The following DRC8 variants were observed in gnomAD, a reference collection of about 807,000 sequenced individuals.
DRC8 encodes the protein dynein regulatory complex protein 8.
chr1:245,009,791 T>C, the DRC8 span, among the ~76,000 whole-genome samples: 4 of 151,960 alleles, frequency 2.6e-5, no homozygotes, highest in Admixed American at 1.3e-4. Flanking sequence ...TTAATCCAGT[T>C]GAACTGTCTC....
At chr1:244,972,782 A>G in the DRC8 span, among the ~76,000 whole-genome samples, 1 of 150,320 alleles carries the variant, frequency 6.7e-6, no homozygotes, top group African/African-American at 2.5e-5. Context: ...ACACCACTGC[A>G]CTCCAGCCTG....
At chr1:245,061,502 T>C in the DRC8 span, among the ~76,000 whole-genome samples, 1 of 152,226 alleles carries the variant, frequency 6.6e-6, no homozygotes, top group African/African-American at 2.4e-5. Context: ...TTTCTATATT[T>C]GTATACGAAC....
At chr1:245,052,645 C>T in the DRC8 span, among the ~76,000 whole-genome samples, 7 of 152,188 alleles carry the variant, frequency 4.6e-5, no homozygotes, top group African/African-American at 1.4e-4. Flanking sequence ...AGAGGTCAGT[C>T]GGCTGGAGAA....
the DRC8 span, among the ~76,000 whole-genome samples, chr1:245,090,120 T>G: frequency 9.9e-5 from 15 of 152,028 alleles, no homozygotes; most frequent in African/African-American, 3.6e-4. Flanking sequence ...GTCATGTGCG[T>G]GAGGTGGAAG....
chr1:245,119,344 G>GTTTT, the DRC8 span, among the ~76,000 whole-genome samples: 22 of 147,752 alleles, frequency 1.5e-4, no homozygotes, highest in South Asian at 6.4e-4. Flanking sequence ...AAATTGGAGA[G>GTTTT]TTTTTTTTTT....
chr1:245,039,363 T>C, the DRC8 span, among the ~76,000 whole-genome samples: 1 of 126,362 alleles, frequency 7.9e-6, no homozygotes, highest in Non-Finnish European at 1.6e-5. Flanking sequence ...TGCTTCCAGC[T>C]GCTCAGGAGG....
At chr1:245,120,040 A>G in the DRC8 span, among the ~76,000 whole-genome samples, 2 of 152,250 alleles carry the variant, frequency 1.3e-5, no homozygotes, top group African/African-American at 2.4e-5. Context: ...CATTTAGTTA[A>G]AATAAGATGG....
chr1:244,999,889 G>C, the DRC8 span, among the ~76,000 whole-genome samples: 1 of 152,064 alleles, frequency 6.6e-6, no homozygotes, highest in African/African-American at 2.4e-5. Flanking sequence ...TTGGATCTCC[G>C]CCCACTGCAA....
the DRC8 span, among the ~76,000 whole-genome samples, chr1:245,033,704 CTTCCT>C: frequency 2.6e-5 from 4 of 151,496 alleles, no homozygotes; most frequent in African/African-American, 4.9e-5. Context: ...TCTTTTCTCT[CTTCCT>C]TTCCTTTCCT....
the DRC8 span, among the ~76,000 whole-genome samples, chr1:245,044,550 G>GATTTATTT: frequency 1.2e-3 from 184 of 150,012 alleles, 1 homozygote; most frequent in East Asian, 7.4e-3. Context: ...GCCCAGGCTG[G>GATTTATTT]ATTTATTTAT....
At chr1:245,020,871 C>A in the DRC8 span, among the ~76,000 whole-genome samples, 100 of 151,674 alleles carry the variant, frequency 6.6e-4, no homozygotes, top group African/African-American at 2.1e-3. Flanking sequence ...CTCAGGTGAT[C>A]CACCCACCTT....
At chr1:244,987,665 G>A in the DRC8 span, among the ~76,000 whole-genome samples, 1 of 146,840 alleles carries the variant, frequency 6.8e-6, no homozygotes, top group Non-Finnish European at 1.5e-5. Context: ...GACAGCATAT[G>A]TCTGGAATAT....
At chr1:245,070,779 A>G in the DRC8 span, among the ~76,000 whole-genome samples, 1 of 152,182 alleles carries the variant, frequency 6.6e-6, no homozygotes, top group Non-Finnish European at 1.5e-5. Flanking sequence ...TTCAAAATTC[A>G]TATGTTGGAG....
chr1:245,043,366 G>T, the DRC8 span, among the ~76,000 whole-genome samples: 149 of 152,062 alleles, frequency 9.8e-4, no homozygotes, highest in African/African-American at 3.4e-3. Context: ...CTGGGAAGCG[G>T]AGGTTGCAGT....
the DRC8 span, among the ~76,000 whole-genome samples, chr1:245,056,168 C>T: frequency 1.3e-5 from 2 of 152,230 alleles, no homozygotes. Flanking sequence ...GCATTCTCCA[C>T]CCTCCAGTTA....
the DRC8 span, among the ~76,000 whole-genome samples, chr1:244,977,935 C>T: frequency 7.2e-5 from 11 of 152,202 alleles, no homozygotes; most frequent in Admixed American, 1.3e-4. Flanking sequence ...TGGGTAAGGA[C>T]ACGTGGGGGA....
At chr1:245,114,013 AT>A in the DRC8 span, among the ~76,000 whole-genome samples, 2,871 of 152,330 alleles carry the variant, frequency 0.019, 84 homozygotes, top group African/African-American at 0.065. Flanking sequence ...GTTCTGTTAC[AT>A]TTTATTTTTC....
the DRC8 span, among the ~76,000 whole-genome samples, chr1:245,115,327 C>A: frequency 3.3e-5 from 5 of 152,186 alleles, no homozygotes; most frequent in Non-Finnish European, 5.9e-5. Context: ...GGATTACAGG[C>A]GTGAGCCACC....
the DRC8 span, among the ~76,000 whole-genome samples, chr1:245,110,934 C>T: frequency 1.3e-5 from 2 of 152,104 alleles, no homozygotes; most frequent in Non-Finnish European, 2.9e-5. Context: ...GGAAAGAAAG[C>T]TCCTTTTTGG....
Sources: gnomAD v4.1 joint callset for allele counts (sites outside exome capture counted in the v4.1 genomes callset) on GRCh38, gnomAD v4.1.1 for gene constraint, MANE v1.5 for transcripts, NCBI Gene and HGNC (gene_info 2026-07-23, HGNC 2026-07-21) for gene names.